The following TMEM132D variants were observed in gnomAD, a reference collection of about 807,000 sequenced individuals.
TMEM132D encodes the protein mature OL transmembrane protein.
A neutral mutation model predicts 62.3 loss-of-function variants in TMEM132D; 21 were observed. The observed-to-expected ratio is 0.34, with a 90% CI of 0.24 to 0.49. The LOEUF (loss-of-function observed/expected upper bound fraction) is 0.49, where lower values mean the gene tolerates loss of function less well. TMEM132D is among the 20% of genes least tolerant of loss of function. The pLI is 0.99. For synonymous variants in TMEM132D, 621 were observed against 575.6 expected, an observed-to-expected ratio of 1.08 and a Z score of -1.13; for missense variants, 1,346 against 1,402.8, an observed-to-expected ratio of 0.96 and a Z score of 0.65.
chr12:129,136,762 T>TCACCATCAA, intron 5 of TMEM132D, among the ~76,000 whole-genome samples: 1 of 140,884 alleles, frequency 7.1e-6, no homozygotes, highest in Admixed American at 7.1e-5. Context: ...TCCACCATCA[T>TCACCATCAA]CACCATCATC....
intron 3 of TMEM132D, among the ~76,000 whole-genome samples, chr12:129,370,619 A>G (rs951497695): frequency 6.6e-6 from 1 of 152,258 alleles, no homozygotes; most frequent in African/African-American, 2.4e-5. Context: ...TAGCGAAAAT[A>G]TGGAATCAAC....
chr12:129,775,323 A>G (rs1372749943), intron 1 of TMEM132D, among the ~76,000 whole-genome samples: 1 of 152,126 alleles, frequency 6.6e-6, no homozygotes, highest in Non-Finnish European at 1.5e-5. Context: ...ATTTGGGCGG[A>G]ATGCCACCCC....
intron 1 of TMEM132D, among the ~76,000 whole-genome samples, chr12:129,810,486 T>C (rs941853772): frequency 1.3e-5 from 2 of 152,028 alleles, no homozygotes; most frequent in Non-Finnish European, 2.9e-5. Context: ...GTAATGAGGA[T>C]GGGAAATGAG....
intron 2 of TMEM132D, among the ~76,000 whole-genome samples, chr12:129,548,621 C>T (rs2137103753): frequency 6.6e-6 from 1 of 152,274 alleles, no homozygotes; most frequent in South Asian, 2.1e-4. Flanking sequence ...TCCAACATCA[C>T]AGAAGAGCCT....
intron 2 of TMEM132D, among the ~76,000 whole-genome samples, chr12:129,659,811 G>A (rs1880190578): frequency 6.6e-6 from 1 of 152,184 alleles, no homozygotes; most frequent in East Asian, 1.9e-4. Context: ...TTTATTTAAT[G>A]GTATTCTCTA....
chr12:129,308,116 A>G (rs1881886470), intron 4 of TMEM132D, among the ~76,000 whole-genome samples: 1 of 152,178 alleles, frequency 6.6e-6, no homozygotes, highest in Admixed American at 6.5e-5. Context: ...GCCTCAGTTT[A>G]TAGGCTGACC....
chr12:129,207,141 C>CA (rs1157974325), intron 5 of TMEM132D, among the ~76,000 whole-genome samples: 2 of 151,990 alleles, frequency 1.3e-5, no homozygotes, highest in African/African-American at 4.8e-5. Context: ...AAAAAACAAA[C>CA]AAAAAACCCC....
intron 6 of TMEM132D, among the ~76,000 whole-genome samples, chr12:129,084,071 T>C (rs1368299825): frequency 6.6e-6 from 1 of 152,116 alleles, no homozygotes; most frequent in Non-Finnish European, 1.5e-5. Context: ...GCATCAATTT[T>C]CCCTTCTCCT....
Position 129,079,736 on chromosome 12 carries a change from TG to T in TMEM132D, c.1924-1012del, listed in dbSNP as rs1230106154. Among the ~76,000 whole-genome samples, 6 of 152,324 alleles carry T rather than the reference TG, an allele frequency of 3.9e-5. No homozygotes were observed. The East Asian group carries it at 7.7e-4, about 20-fold the overall frequency. On this transcript the variant is annotated intron_variant, in intron 7 of 8. Coordinates refer to ENST00000422113, the MANE Select transcript of TMEM132D (RefSeq NM_133448.3). ...CTACCCGAATGCCACCTTCACTTTC[TG>T]GTCCGATTGGGACAATTTAAATGGT...
chr12:129,454,037 G>T (rs977189707), intron 3 of TMEM132D, among the ~76,000 whole-genome samples: 1 of 152,200 alleles, frequency 6.6e-6, no homozygotes. Flanking sequence ...CAATGTTCAT[G>T]TTATGGCACC....
Position 129,073,818 on chromosome 12 carries a change from C to G in TMEM132D, c.*57G>C, listed in dbSNP as rs1874153186. The G allele has an allele frequency of 1.4e-6, 2 of 1,433,452 alleles. No individual in the cohort carries two copies. The highest frequency in any genetic ancestry group is 2.3e-5 in the Admixed American group (1 of 43,390). 88.8% of individuals were successfully genotyped at this position (1,433,452 alleles called of 1,614,324 possible). ...CTCTTCCGGGGGCACCGTTGCTACA[C>G]ATCCTGGAATTAAAGGCTGAAAGGT... is the stretch of plus-strand genomic sequence containing the variant. On this transcript the variant is annotated 3_prime_UTR_variant, in exon 9 of 9. Coordinates refer to ENST00000422113, the MANE Select transcript of TMEM132D (RefSeq NM_133448.3).
intron 5 of TMEM132D, among the ~76,000 whole-genome samples, chr12:129,195,916 C>T (rs954502759): frequency 2.0e-5 from 3 of 152,140 alleles, no homozygotes; most frequent in Non-Finnish European, 2.9e-5. Flanking sequence ...CACTTGAGGT[C>T]AGGAATTTGA....
intron 8 of TMEM132D, among the ~76,000 whole-genome samples, chr12:129,077,502 A>G (rs951944309): frequency 1.3e-5 from 2 of 152,174 alleles, no homozygotes; most frequent in Admixed American, 1.3e-4. Flanking sequence ...GTCCCCTATA[A>G]CAGTCCCCTT....
intron 4 of TMEM132D, among the ~76,000 whole-genome samples, chr12:129,293,365 A>G (rs370260981): frequency 1.3e-5 from 2 of 152,206 alleles, no homozygotes; most frequent in East Asian, 3.9e-4. Flanking sequence ...AGATATTTCC[A>G]TCCCCACATG....
At chr12:129,419,249 G>A (rs928306591) in intron 3 of TMEM132D, among the ~76,000 whole-genome samples, 3 of 152,124 alleles carry the variant, frequency 2.0e-5, no homozygotes, top group Non-Finnish European at 4.4e-5. Flanking sequence ...TGGGGGTGGG[G>A]TCACCGAACC....
intron 1 of TMEM132D, among the ~76,000 whole-genome samples, chr12:129,835,263 C>T (rs34423035): frequency 6.6e-6 from 1 of 152,110 alleles, no homozygotes; most frequent in East Asian, 1.9e-4. Context: ...AATTTTCTGT[C>T]CATGAGGTTT....
At chr12:129,689,696 C>T (rs1881018011) in intron 2 of TMEM132D, among the ~76,000 whole-genome samples, 1 of 152,186 alleles carries the variant, frequency 6.6e-6, no homozygotes, top group Admixed American at 6.5e-5. Flanking sequence ...GCTTCATGAG[C>T]CATACCAATA....
chr12:129,566,572 G>A (rs1014425932), intron 2 of TMEM132D, among the ~76,000 whole-genome samples: 2 of 152,148 alleles, frequency 1.3e-5, no homozygotes, highest in Non-Finnish European at 2.9e-5. Flanking sequence ...CAATGTGATA[G>A]CAGACTTTGA....
chr12:129,800,359 G>T (rs1871724817), intron 1 of TMEM132D, among the ~76,000 whole-genome samples: 1 of 150,704 alleles, frequency 6.6e-6, no homozygotes, highest in South Asian at 2.1e-4. Flanking sequence ...AAAATCAAGG[G>T]TTAAAGCAGC....
Sources: gnomAD v4.1 joint callset for allele counts (sites outside exome capture counted in the v4.1 genomes callset) on GRCh38, gnomAD v4.1.1 for gene constraint, MANE v1.5 for transcripts, NCBI Gene and HGNC (gene_info 2026-07-23, HGNC 2026-07-21) for gene names.